FBXW11: variants seen among roughly 807,000 people sequenced by gnomAD.
FBXW11 encodes the protein F-box and WD repeat domain containing 11, also known as F-box/WD repeat-containing protein 11.
FBXW11 carries 19 observed loss-of-function variants against 77.6 expected under a neutral mutation model. The ratio of observed to expected loss-of-function variants is 0.24; its 90% CI spans 0.17 to 0.36. The LOEUF (loss-of-function observed/expected upper bound fraction) is 0.36. Ranked by LOEUF, FBXW11 falls within the 10% of genes least tolerant of loss-of-function variation. The probability of loss-of-function intolerance (pLI) is 1.00; values close to 1 mark genes in which losing one functional copy is unlikely to be tolerated. For synonymous variants in FBXW11, 235 were observed against 249.4 expected, an observed-to-expected ratio of 0.94 and a Z score of 0.54; for missense variants, 334 against 704.2, an observed-to-expected ratio of 0.47 and a Z score of 5.95.
In FBXW11 at chr5:171,985,058, C is replaced by T. The variant is rs145060907; in HGVS notation, c.45+21400G>A. Among the ~76,000 whole-genome samples, 17 of 152,252 alleles carry T rather than the reference C, an allele frequency of 1.1e-4. No homozygotes were observed. The East Asian group carries it at 2.9e-3, about 26-fold the overall frequency. On this transcript the variant is annotated intron_variant, in intron 1 of 13. Transcript: ENST00000517395. ...TCATATCAATACAAACACACATATA[C>T]GCACAGCTATCAACACAGTCATCCA...
At chr5:172,004,030 T>G (rs1766574462) in intron 1 of FBXW11, among the ~76,000 whole-genome samples, 1 of 152,224 alleles carries the variant, frequency 6.6e-6, no homozygotes, top group Non-Finnish European at 1.5e-5. Context: ...CACCATCAGT[T>G]TAACCCCTTT....
At chr5:171,911,578 C>T (rs907850431) in intron 3 of FBXW11, among the ~76,000 whole-genome samples, 1 of 152,168 alleles carries the variant, frequency 6.6e-6, no homozygotes, top group African/African-American at 2.4e-5. Flanking sequence ...TCTGGCAGAA[C>T]GGTTTAGACT....
chr5:171,901,665 C>T (rs1277234015), intron 4 of FBXW11, among the ~76,000 whole-genome samples: 1 of 152,200 alleles, frequency 6.6e-6, no homozygotes, highest in Non-Finnish European at 1.5e-5. Context: ...CAGAAGACGC[C>T]TAAGATGGCA....
chr5:171,999,590 C>T lies in FBXW11; in HGVS notation c.45+6868G>A, dbSNP rs187930676. Among the ~76,000 whole-genome samples, 419 of 152,160 alleles carry T rather than the reference C, an allele frequency of 2.8e-3. 1 individual carries two copies. The highest frequency in any genetic ancestry group is 0.022 in the South Asian group (106 of 4,820). On this transcript the variant is annotated intron_variant, in intron 1 of 13. Coordinates refer to ENST00000517395, the MANE Select transcript of FBXW11 (RefSeq NM_001378974.1). ...TTTCTCTTTGAATCTATCATGTAGT[C>T]ATTTCAGAGGGCCAAAATATATTTT...
At chr5:171,898,609 T>C (rs1759908293) in intron 6 of FBXW11, among the ~76,000 whole-genome samples, 1 of 152,134 alleles carries the variant, frequency 6.6e-6, no homozygotes. Context: ...CTATGAGTAA[T>C]GTACAGAGAA....
intron 1 of FBXW11, among the ~76,000 whole-genome samples, chr5:171,978,829 ACTTCT>A (rs1247356504): frequency 6.6e-6 from 1 of 152,214 alleles, no homozygotes; most frequent in Non-Finnish European, 1.5e-5. Flanking sequence ...TAATTTTAAC[ACTTCT>A]CTTTCTTCAC....
intron 1 of FBXW11, among the ~76,000 whole-genome samples, chr5:171,983,206 A>C (rs1765246184): frequency 6.6e-6 from 1 of 152,068 alleles, no homozygotes. Context: ...CAAAACAAAA[A>C]AACCAAGAGG....
intron 13 of FBXW11, among the ~76,000 whole-genome samples, chr5:171,866,190 G>T (rs1358073444): frequency 6.6e-6 from 1 of 151,996 alleles, no homozygotes; most frequent in African/African-American, 2.4e-5. Context: ...ACCCGAGCCT[G>T]GGAGGCGGAG....
rs186211631 is a variant in FBXW11, at chr5:171,965,851, C to A, written c.46-8153G>T. Among the ~76,000 whole-genome samples, 239 of 151,950 alleles carry A rather than the reference C, an allele frequency of 1.6e-3. 1 individual carries two copies. Among genetic ancestry groups the A allele is most frequent in the African/African-American group, 5.5e-3 (226 of 41,408 alleles). ...CCAAATCATATCTCGAATTGTAATC[C>A]CCACGTGTCAGGGGAGGGGCCTGGT... On this transcript the variant is annotated intron_variant, in intron 1 of 13. Transcript: ENST00000517395.
chr5:171,931,860 CCTCTCTCT>C (rs149065535), intron 2 of FBXW11, among the ~76,000 whole-genome samples: 229 of 6,270 alleles, frequency 0.037, 16 homozygotes, highest in African/African-American at 0.07. Context: ...TCCCTCCCTC[CCTCTCTCT>C]CTCTCTCTCT....
At chr5:171,916,174 C>T (rs1237952488) in intron 2 of FBXW11, among the ~76,000 whole-genome samples, 5 of 147,550 alleles carry the variant, frequency 3.4e-5, no homozygotes, top group Non-Finnish European at 7.4e-5. Context: ...ACCAACATGG[C>T]ACATGTATAC....
chr5:171,879,368 C>T (rs1456390259), intron 7 of FBXW11, among the ~76,000 whole-genome samples: 3 of 152,168 alleles, frequency 2.0e-5, no homozygotes, highest in Non-Finnish European at 4.4e-5. Context: ...TGAAGGACAC[C>T]TTGGTTGCTT....
chr5:171,886,773 G>T (rs1161004965), intron 7 of FBXW11, among the ~76,000 whole-genome samples: 1 of 152,070 alleles, frequency 6.6e-6, no homozygotes, highest in Admixed American at 6.5e-5. Context: ...CAGCACTTTG[G>T]TAGGCCGAGG....
At chr5:171,909,373 A>G (rs1760740577) in intron 4 of FBXW11, among the ~76,000 whole-genome samples, 1 of 152,250 alleles carries the variant, frequency 6.6e-6, no homozygotes, top group African/African-American at 2.4e-5. Flanking sequence ...AGCACAGTGA[A>G]ACCATTCTGT....
intron 6 of FBXW11, among the ~76,000 whole-genome samples, chr5:171,897,845 C>T (rs541845190): frequency 2.0e-5 from 3 of 152,008 alleles, no homozygotes; most frequent in African/African-American, 7.2e-5. Flanking sequence ...TAAGAGACAG[C>T]CCCATCTCCC....
intron 1 of FBXW11, among the ~76,000 whole-genome samples, chr5:171,968,744 C>T (rs1581046191): frequency 3.3e-5 from 5 of 152,230 alleles, no homozygotes; most frequent in Admixed American, 2.6e-4. Flanking sequence ...CCTGTCCCCA[C>T]CCTCAGTTAA....
chr5:171,884,980 G>A (rs1758780517), intron 7 of FBXW11, among the ~76,000 whole-genome samples: 1 of 152,192 alleles, frequency 6.6e-6, no homozygotes, highest in Non-Finnish European at 1.5e-5. Flanking sequence ...ATAGTTCCAT[G>A]ACTAGGTCTG....
chr5:171,913,876 AC>A (rs1561678009), intron 3 of FBXW11, among the ~76,000 whole-genome samples: 1 of 100,136 alleles, frequency 1.0e-5, no homozygotes, highest in African/African-American at 3.6e-5. Flanking sequence ...CACACACACA[AC>A]CTGGGAAATT....
intron 1 of FBXW11, among the ~76,000 whole-genome samples, chr5:171,988,634 C>T (rs1765572220): frequency 1.3e-5 from 2 of 151,908 alleles, no homozygotes; most frequent in South Asian, 4.2e-4. Context: ...CACTTGAGGT[C>T]AGGAGTTTGA....
Sources: allele counts gnomAD v4.1 joint callset (sites outside exome capture counted in the v4.1 genomes callset), GRCh38; gene constraint gnomAD v4.1.1; transcripts MANE v1.5; gene names NCBI Gene and HGNC (gene_info 2026-07-23, HGNC 2026-07-21).